TMEM123: variants seen among roughly 807,000 people sequenced by gnomAD.
TMEM123 encodes transmembrane protein 123.
A neutral mutation model predicts 19.7 loss-of-function variants in TMEM123; 16 were observed. That is an observed-to-expected ratio of 0.81 (90% CI 0.55 to 1.23). TMEM123 has a LOEUF of 1.23. Ranked by LOEUF, TMEM123 falls within the 50% of genes most tolerant of loss-of-function variation. TMEM123 has a pLI of 0.00. For synonymous variants in TMEM123, 118 were observed against 99.4 expected (o/e 1.19, Z -1.12); for missense variants, 313 against 257.8 (o/e 1.21, Z -1.47).
intron 2 of TMEM123, among the ~76,000 whole-genome samples, chr11:102,443,045 G>A (rs568255494): frequency 6.6e-6 from 1 of 152,320 alleles, no homozygotes; most frequent in East Asian, 1.9e-4. Context: ...CGAAATAAAA[G>A]AGGACACAAA....
At chr11:102,435,191 A>T (rs1356633930) in intron 2 of TMEM123, among the ~76,000 whole-genome samples, 1 of 151,934 alleles carries the variant, frequency 6.6e-6, no homozygotes, top group African/African-American at 2.4e-5. Flanking sequence ...ATAAATAAAT[A>T]ATTTTCCACT....
chr11:102,429,137 T>C (rs1457707611), intron 2 of TMEM123, among the ~76,000 whole-genome samples: 1 of 152,058 alleles, frequency 6.6e-6, no homozygotes, highest in Non-Finnish European at 1.5e-5. Context: ...AGGAGATTTG[T>C]TAATTCCTGT....
intron 2 of TMEM123, among the ~76,000 whole-genome samples, chr11:102,409,094 T>G (rs1273362978): frequency 6.6e-6 from 1 of 152,198 alleles, no homozygotes. Flanking sequence ...TTTGTTTTCA[T>G]CAGGGCATCA....
At chr11:102,412,974 T>A (rs1952017041) in intron 2 of TMEM123, among the ~76,000 whole-genome samples, 1 of 152,170 alleles carries the variant, frequency 6.6e-6, no homozygotes, top group African/African-American at 2.4e-5. Flanking sequence ...TATTTCTCAA[T>A]TATTGATAAA....
intron 2 of TMEM123, among the ~76,000 whole-genome samples, chr11:102,405,667 C>T (rs1951949429): frequency 6.6e-6 from 1 of 152,078 alleles, no homozygotes; most frequent in Non-Finnish European, 1.5e-5. Context: ...ATGCTGCTTT[C>T]GGATTCAACA....
chr11:102,434,807 G>A (rs1857746026), intron 2 of TMEM123, among the ~76,000 whole-genome samples: 1 of 151,774 alleles, frequency 6.6e-6, no homozygotes. Context: ...TTCTGCATGT[G>A]GATAACCAGT....
intron 3 of TMEM123, 27 bp from the exon 4 acceptor site, chr11:102,401,719 C>A: frequency 1.3e-6 from 2 of 1,554,352 alleles, no homozygotes; most frequent in African/African-American, 1.4e-5. Flanking sequence ...CAAAAAAGGG[C>A]TTTAGCGTTA....
In TMEM123 at chr11:102,398,138, T is replaced by TAAAC. The variant is rs1951877290; in HGVS notation, c.*725_*728dup. On this transcript the variant is annotated 3_prime_UTR_variant, in exon 5 of 5. Coordinates refer to ENST00000398136, the MANE Select transcript of TMEM123 (RefSeq NM_052932.3). Reference sequence around the variant, plus strand: ...CTAAGTCTTTAAAACATTATTATGTTAAACACTGCAGTTTACCTAAATTAC... The same window carrying TAAAC: ...CTAAGTCTTTAAAACATTATTATGTTAAACAAACACTGCAGTTTACCTAAATTAC... The TAAAC allele has an allele frequency of 6.5e-6, 1 of 153,762 alleles. No individual in the cohort carries two copies. Among genetic ancestry groups the TAAAC allele is most frequent in the South Asian group, 2.1e-4 (1 of 4,858 alleles). 9.5% of individuals were successfully genotyped at this position (153,762 alleles called of 1,614,324 possible).
chr11:102,411,967 C>T (rs539086134), intron 2 of TMEM123, among the ~76,000 whole-genome samples: 2 of 152,248 alleles, frequency 1.3e-5, no homozygotes, highest in African/African-American at 4.8e-5. Flanking sequence ...CCTTCTGCCC[C>T]AGGAGGAAGA....
chr11:102,421,939 A>G (rs1206795544), intron 2 of TMEM123, among the ~76,000 whole-genome samples: 4 of 152,202 alleles, frequency 2.6e-5, no homozygotes, highest in Non-Finnish European at 5.9e-5. Flanking sequence ...AATGCCCTGA[A>G]GTGCTGTTGG....
chr11:102,430,349 A>T (rs1293660551), intron 2 of TMEM123, among the ~76,000 whole-genome samples: 1 of 152,230 alleles, frequency 6.6e-6, no homozygotes, highest in East Asian at 1.9e-4. Flanking sequence ...GGTGGTGAGT[A>T]AAATCAGCCT....
rs372646048 is a variant in TMEM123, at chr11:102,399,485, T to C, written c.603-594A>G. ...TTTCTTTTATGTATTCTTTCATGTA[T>C]TGACCTTAAAAAAGAATGTTTCTGA... On this transcript the variant is annotated intron_variant, in intron 4 of 4. Transcript: ENST00000398136. Among the ~76,000 whole-genome samples, 72 of 152,272 alleles carry C rather than the reference T, an allele frequency of 4.7e-4. No homozygotes were observed. In the South Asian group the frequency reaches 0.014, roughly 29 times the overall value.
At chr11:102,426,859 T>TGC (rs1491364770) in intron 2 of TMEM123, among the ~76,000 whole-genome samples, 1 of 4,144 alleles carries the variant, frequency 2.4e-4, no homozygotes, top group Non-Finnish European at 4.9e-4. Flanking sequence ...TTAAAGTAGT[T>TGC]CCCCCCCCCC....
Position 102,452,725 on chromosome 11 carries a change from C to T in TMEM123, c.-102G>A. On this transcript the variant is annotated 5_prime_UTR_variant, in exon 1 of 5. Transcript: ENST00000398136. ...GCCGGCGCCGGCTCCGCTTCCCCTT[C>T]GGCCGCGCACGTTTCCCCTCCCGCC... 3 of 892,140 alleles carry T rather than the reference C, an allele frequency of 3.4e-6. No homozygotes were observed. The highest frequency in any genetic ancestry group is 3.3e-5 in the East Asian group (1 of 29,876). 55.3% of individuals were successfully genotyped at this position (892,140 alleles called of 1,614,324 possible). A position where few individuals can be genotyped will look rare whatever the true frequency, so the allele number is the denominator to read the frequency against.
chr11:102,400,008 G>A (rs1411823389), intron 4 of TMEM123, among the ~76,000 whole-genome samples: 1 of 145,894 alleles, frequency 6.9e-6, no homozygotes, highest in Non-Finnish European at 1.6e-5. Context: ...TATCATTTTT[G>A]TTTAAGTATT....
intron 2 of TMEM123, among the ~76,000 whole-genome samples, chr11:102,443,653 A>G (rs1376455413): frequency 6.6e-6 from 1 of 152,206 alleles, no homozygotes; most frequent in Non-Finnish European, 1.5e-5. Context: ...CTTCATGACT[A>G]AAACACCAAA....
chr11:102,417,621 C>A (rs575863962), intron 2 of TMEM123, among the ~76,000 whole-genome samples: 1 of 151,966 alleles, frequency 6.6e-6, no homozygotes, highest in African/African-American at 2.4e-5. Context: ...TATCAAACCA[C>A]CGTAAGTGGA....
chr11:102,448,703 C>G, intron 2 of TMEM123, 109 bp downstream of exon 2: 1 of 1,010,304 alleles, frequency 9.9e-7, no homozygotes, highest in Non-Finnish European at 1.5e-6. Context: ...GTGAAGAACT[C>G]AGGGTTAAAA....
chr11:102,411,332 G>A (rs912605883), intron 2 of TMEM123, among the ~76,000 whole-genome samples: 1 of 152,098 alleles, frequency 6.6e-6, no homozygotes, highest in Non-Finnish European at 1.5e-5. Flanking sequence ...GAAGCTCTGC[G>A]CACCATTCCT....
Sources: allele counts gnomAD v4.1 joint callset (sites outside exome capture counted in the v4.1 genomes callset), GRCh38; gene constraint gnomAD v4.1.1; transcripts MANE v1.5; gene names NCBI Gene and HGNC (gene_info 2026-07-23, HGNC 2026-07-21).